DHX57: variants seen among roughly 807,000 people sequenced by gnomAD.
DHX57 encodes the protein putative ATP-dependent RNA helicase DHX57.
DHX57 carries 105 observed loss-of-function variants against 156.2 expected under a neutral mutation model. The ratio of observed to expected loss-of-function variants is 0.67; its 90% confidence interval spans 0.57 to 0.79. The LOEUF (loss-of-function observed/expected upper bound fraction) is 0.79. Ranked by LOEUF, DHX57 falls within the 30% of genes least tolerant of loss-of-function variation. The pLI is 0.00. For synonymous variants in DHX57, 704 were observed against 595.6 expected (o/e 1.18, Z -2.65); for missense variants, 1,847 against 1,661.9 (o/e 1.11, Z -1.94).
chr2:38,823,237 T>C lies in DHX57; in HGVS notation c.3047A>G (p.Asn1016Ser), dbSNP rs1345978811. Residue 1016 changes from asparagine (N) to serine (S), a missense_variant, in exon 17 of 24, where the codon AAT becomes AGT. Transcript: ENST00000457308. ...GAGCCGAGAGAACACAGACTGGAGA[T>C]TATGAGCACTAAACATCTCTAAAAT... ...IKILEMFSAH[N>S]LQSVFSRLIE... is the part of the protein sequence containing the mutation. 1.2e-6 allele frequency: 2 copies of C among 1,613,976 alleles called. No homozygotes were observed. The highest frequency in any genetic ancestry group is 2.2e-5 in the East Asian group (1 of 44,900).
chr2:38,863,313 CAGTAT>C, intron 3 of DHX57, 43 bp downstream of exon 3: 1 of 1,568,558 alleles, frequency 6.4e-7, no homozygotes, highest in Non-Finnish European at 8.6e-7. Context: ...TTCACACTGC[CAGTAT>C]GTTTTCCTTA....
chr2:38,810,712 T>C, intron 21 of DHX57: 1 of 773,122 alleles, frequency 1.3e-6, no homozygotes. Flanking sequence ...GAAACCGGTG[T>C]ACACCAACTC....
At chr2:38,807,945 CTTTTTTTT>C (rs34221239) in intron 21 of DHX57, among the ~76,000 whole-genome samples, 7 of 54,228 alleles carry the variant, frequency 1.3e-4, no homozygotes, top group African/African-American at 3.2e-4. Context: ...TGTGTCTTGC[CTTTTTTTT>C]TTTTTTTTTT....
intron 19 of DHX57, 115 bp from the exon 20 acceptor site, chr2:38,815,770 A>G (rs1450782722): frequency 7.8e-7 from 1 of 1,283,726 alleles, no homozygotes; most frequent in African/African-American, 1.5e-5. Flanking sequence ...ATGAGGCTCA[A>G]GTGGATTCAT....
Position 38,862,347 on chromosome 2 carries a change from C to G in DHX57, c.384-14G>C. 6.5e-7 allele frequency: 1 copy of G among 1,546,812 alleles called. No individual in the cohort carries two copies. The highest frequency in any genetic ancestry group is 8.8e-7 in the Non-Finnish European group (1 of 1,141,730). Reference sequence around the variant, plus strand: ...GAAAGGCCTCTTCTAGCAAAGGCAACATTTTCATATATTAGATATTACTTT... The same window carrying G: ...GAAAGGCCTCTTCTAGCAAAGGCAAGATTTTCATATATTAGATATTACTTT... On this transcript the variant is annotated splice_polypyrimidine_tract_variant and intron_variant, in intron 3 of 23. Transcript: ENST00000457308.
At chr2:38,846,953 T>G in intron 11 of DHX57, 66 bp downstream of exon 11, 1 of 1,419,368 alleles carries the variant, frequency 7.0e-7, no homozygotes, top group Non-Finnish European at 9.8e-7. Context: ...TCCAAAGTGC[T>G]AGAATTACAG....
At chr2:38,828,642 G>C (rs575097759) in intron 13 of DHX57, among the ~76,000 whole-genome samples, 3 of 152,002 alleles carry the variant, frequency 2.0e-5, no homozygotes, top group Non-Finnish European at 4.4e-5. Context: ...AGGGTTGCTT[G>C]AGCCAGGGAG....
intron 13 of DHX57, among the ~76,000 whole-genome samples, chr2:38,837,269 G>C (rs1558381385): frequency 6.6e-6 from 1 of 152,048 alleles, no homozygotes; most frequent in Non-Finnish European, 1.5e-5. Flanking sequence ...TTACATAACA[G>C]GATTTATTAC....
intron 22 of DHX57, among the ~76,000 whole-genome samples, chr2:38,805,480 G>C (rs1669894502): frequency 1.3e-5 from 2 of 152,180 alleles, no homozygotes; most frequent in South Asian, 4.1e-4. Context: ...TAGAAGGTTG[G>C]AGACAGAAAG....
At chr2:38,874,996 C>G (rs1417465580) in intron 1 of DHX57, among the ~76,000 whole-genome samples, 1 of 152,114 alleles carries the variant, frequency 6.6e-6, no homozygotes, top group Non-Finnish European at 1.5e-5. Flanking sequence ...TACTGAGAAA[C>G]ATTAGGAAAA....
chr2:38,816,333 A>T (rs916751579), intron 19 of DHX57: 17 of 428,850 alleles, frequency 4.0e-5, no homozygotes, highest in Non-Finnish European at 7.9e-5. Context: ...TCTTGCCTTA[A>T]CCTCCCGAGT....
chr2:38,838,033 C>G (rs1048411709), intron 12 of DHX57, 86 bp from the exon 13 acceptor site: 1 of 845,992 alleles, frequency 1.2e-6, no homozygotes, highest in African/African-American at 1.7e-5. Context: ...TACAATATGC[C>G]TGTGAATTAG....
chr2:38,851,411 T>C (rs1374348078), intron 9 of DHX57, among the ~76,000 whole-genome samples: 2 of 152,220 alleles, frequency 1.3e-5, no homozygotes, highest in Non-Finnish European at 1.5e-5. Flanking sequence ...CTTGCCAATA[T>C]TTTTACTGAT....
chr2:38,823,388 C>T (rs1670926631), intron 16 of DHX57, 119 bp from the exon 17 acceptor site: 1 of 1,060,890 alleles, frequency 9.4e-7, no homozygotes, highest in Non-Finnish European at 1.3e-6. Context: ...TTTAAAATCT[C>T]ATGTTTTCTA....
chr2:38,863,702 C>A (rs1398955686), intron 2 of DHX57, among the ~76,000 whole-genome samples, 183 bp from the exon 3 acceptor site: 4 of 152,094 alleles, frequency 2.6e-5, no homozygotes, highest in Non-Finnish European at 4.4e-5. Context: ...TATATCAGAC[C>A]TGCTGGAAAA....
chr2:38,860,799 C>T (rs2124928760), intron 5 of DHX57, among the ~76,000 whole-genome samples, 200 bp downstream of exon 5: 1 of 152,316 alleles, frequency 6.6e-6, no homozygotes, highest in East Asian at 1.9e-4. Flanking sequence ...AGCCCAACCA[C>T]AGCAACACAA....
chr2:38,830,972 G>A (rs982780391), intron 13 of DHX57, among the ~76,000 whole-genome samples: 2 of 152,048 alleles, frequency 1.3e-5, no homozygotes, highest in Non-Finnish European at 2.9e-5. Context: ...GGCTGAGGGA[G>A]GTTGTAGGAT....
rs1226080190 is a variant in DHX57, at chr2:38,837,924, T to C, written c.2449A>G (p.Thr817Ala). The change falls in exon 13 of 24, where the codon ACA (threonine) becomes GCA (alanine). Residue 817 changes from threonine to alanine, a missense_variant. Thr to Ala is a moderately conservative substitution (Grantham distance 58). Transcript: ENST00000457308. ...TTTTCAAAATCCATGATGGACATTG[T>C]TTTGATGACTGACTTGCTAACCCCT... ...YKGVSKSVIK[T>A]MSIMDFEKVN... 2 of 1,612,786 alleles carry C rather than the reference T, an allele frequency of 1.2e-6. No individual in the cohort carries two copies. The highest frequency in any genetic ancestry group is 1.7e-5 in the Admixed American group (1 of 60,004).
chr2:38,867,585 G>T (rs1420421265), intron 2 of DHX57, among the ~76,000 whole-genome samples: 14 of 152,136 alleles, frequency 9.2e-5, no homozygotes, highest in Admixed American at 9.2e-4. Context: ...TTGAGATGGA[G>T]TCTCACTCTG....
Sources: gnomAD v4.1 joint callset for allele counts (sites outside exome capture counted in the v4.1 genomes callset) on GRCh38, gnomAD v4.1.1 for gene constraint, MANE v1.5 for transcripts, NCBI Gene and HGNC (gene_info 2026-07-23, HGNC 2026-07-21) for gene names.